IRS1: variants seen among roughly 807,000 people sequenced by gnomAD.
IRS1 encodes the protein insulin receptor substrate 1.
A neutral mutation model predicts 65.6 loss-of-function variants in IRS1; 34 were observed. The ratio of observed to expected loss-of-function variants is 0.52; its 90% CI spans 0.39 to 0.69. IRS1 has a LOEUF of 0.69. Ranked by LOEUF, IRS1 falls within the 30% of genes least tolerant of loss-of-function variation. The pLI, the probability that IRS1 is intolerant of heterozygous loss-of-function variation, is 0.00. For synonymous variants in IRS1, 699 were observed against 683.5 expected (o/e 1.02, Z -0.35); for missense variants, 1,641 against 1,720.2 (o/e 0.95, Z 0.81).
intron 1 of IRS1, among the ~76,000 whole-genome samples, chr2:226,763,313 T>C (rs1030371283): frequency 6.6e-6 from 1 of 152,236 alleles, no homozygotes; most frequent in Non-Finnish European, 1.5e-5. Flanking sequence ...TATACCATGT[T>C]GTGCTTTCTA....
At position 226,797,758 on chromosome 2, in the gene IRS1, G is replaced by A. The variant is rs774082695; in HGVS notation, c.981C>T (p.Arg327=). The change falls in exon 1 of 2, where the codon CGC becomes CGT. Residue 327 remains arginine, a synonymous_variant. Transcript: ENST00000305123. The surrounding 1 kb of genome is among the most constrained non-coding windows in gnomAD (Gnocchi z 8.1). ...TGGTGCCTTCGCCGTCACTGGAGGCGCGGACACGGAAGGAGCCTGGCTTCC... is the reference window on the plus strand; with the variant it reads ...TGGTGCCTTCGCCGTCACTGGAGGCACGGACACGGAAGGAGCCTGGCTTCC... ...VGGKPGSFRV[R]ASSDGEGTMS... 5.0e-6 allele frequency: 8 copies of A among 1,595,522 alleles called. No individual in the cohort carries two copies. In the African/African-American group the frequency reaches 6.7e-5, roughly 13 times the overall value.
chr2:226,777,993 A>C (rs1388451812), intron 1 of IRS1, among the ~76,000 whole-genome samples: 1 of 152,142 alleles, frequency 6.6e-6, no homozygotes, highest in African/African-American at 2.4e-5. Context: ...ATCAATTATA[A>C]AATATTTTCT....
intron 1 of IRS1, among the ~76,000 whole-genome samples, chr2:226,766,122 T>C (rs867286978): frequency 2.9e-4 from 1 of 3,508 alleles, no homozygotes; most frequent in African/African-American, 1.0e-3. Context: ...CTCTTAATCT[T>C]ATATATATAT....
chr2:226,788,013 T>TA (rs1216158671), intron 1 of IRS1, among the ~76,000 whole-genome samples: 4 of 149,700 alleles, frequency 2.7e-5, no homozygotes, highest in African/African-American at 7.3e-5. Flanking sequence ...CCACATTACA[T>TA]ATATTCAAAA....
intron 1 of IRS1, among the ~76,000 whole-genome samples, chr2:226,761,491 T>C (rs1301215685): frequency 6.6e-6 from 1 of 152,166 alleles, no homozygotes; most frequent in Non-Finnish European, 1.5e-5. Flanking sequence ...CCATTGTATC[T>C]CTCTGATACT....
At position 226,798,554 on chromosome 2, in the gene IRS1, C is replaced by G; in HGVS notation, c.185G>C (p.Arg62Pro). Reference sequence around the variant, plus strand: ...GAAGCAGCTCTCAAGGGGGATCGAGCGTTTGGGGGCGCTCGACTTGTGCCG... The same window carrying G: ...GAAGCAGCTCTCAAGGGGGATCGAGGGTTTGGGGGCGCTCGACTTGTGCCG... ...KWRHKSSAPK[R>P]SIPLESCFNI... Residue 62 changes from arginine to proline, a missense_variant, in exon 1 of 2, where the codon CGC (arginine) becomes CCC (proline). Around this residue, in one of 3 missense-constraint regions of IRS1, gnomAD observed 240 missense variants for 229.6 expected, o/e 1.05. Transcript: ENST00000305123. The surrounding 1 kb of genome is among the most constrained non-coding windows in gnomAD (Gnocchi z 9.4). 1 of 1,613,924 alleles carries G rather than the reference C, an allele frequency of 6.2e-7. No homozygotes were observed. Among genetic ancestry groups the G allele is most frequent in the Non-Finnish European group, 8.5e-7 (1 of 1,180,022 alleles).
At chr2:226,764,108 T>C (rs1398200359) in intron 1 of IRS1, among the ~76,000 whole-genome samples, 1 of 152,032 alleles carries the variant, frequency 6.6e-6, no homozygotes, top group East Asian at 1.9e-4. Flanking sequence ...CCACTCAGTC[T>C]GAAAGTAAGT....
In IRS1 at chr2:226,788,223, G is replaced by A. The variant is rs1190897944; in HGVS notation, c.*21+6766C>T. On this transcript the variant is annotated intron_variant, in intron 1 of 1. Transcript: ENST00000305123. ...TTATAAAACTTGGGATGGTAAAAAG[G>A]AATACAATGAATGCAATCCAACTCA... Among the ~76,000 whole-genome samples the A allele has an allele frequency of 3.9e-5, 6 of 152,036 alleles. No homozygotes were observed. The East Asian group carries it at 1.2e-3, about 29-fold the overall frequency.
intron 1 of IRS1, among the ~76,000 whole-genome samples, chr2:226,788,436 AT>A (rs1341531129): frequency 6.6e-6 from 1 of 152,208 alleles, no homozygotes; most frequent in Non-Finnish European, 1.5e-5. Context: ...AAGCTCTATT[AT>A]TCAAAGATCA....
intron 1 of IRS1, among the ~76,000 whole-genome samples, chr2:226,754,133 C>T (rs530312902): frequency 1.3e-5 from 2 of 152,324 alleles, no homozygotes; most frequent in East Asian, 3.9e-4. Flanking sequence ...CACGAGCCAC[C>T]ACCCTTGGCC....
At chr2:226,790,780 G>C (rs1302408672) in intron 1 of IRS1, among the ~76,000 whole-genome samples, 1 of 152,124 alleles carries the variant, frequency 6.6e-6, no homozygotes, top group Non-Finnish European at 1.5e-5. Context: ...ATTTTAGAAA[G>C]GCCAAATCTG....
At chr2:226,787,994 A>G (rs1023736008) in intron 1 of IRS1, among the ~76,000 whole-genome samples, 1 of 150,342 alleles carries the variant, frequency 6.7e-6, no homozygotes, top group South Asian at 2.2e-4. Flanking sequence ...GCAAAACATA[A>G]TTTGTTTGCC....
chr2:226,773,491 T>C (rs1232429814), intron 1 of IRS1, among the ~76,000 whole-genome samples: 1 of 152,166 alleles, frequency 6.6e-6, no homozygotes, highest in Non-Finnish European at 1.5e-5. Context: ...ATGTCAGGAA[T>C]TCTACTGCAA....
chr2:226,791,503 C>A (rs1939596358), intron 1 of IRS1, among the ~76,000 whole-genome samples: 1 of 152,208 alleles, frequency 6.6e-6, no homozygotes, highest in Non-Finnish European at 1.5e-5. Context: ...GATTCTGATC[C>A]AAATGCAAGA....
At chr2:226,781,380 T>G (rs534838761) in intron 1 of IRS1, among the ~76,000 whole-genome samples, 1 of 151,912 alleles carries the variant, frequency 6.6e-6, no homozygotes, top group African/African-American at 2.4e-5. Flanking sequence ...TTTCCTAAAG[T>G]GGTGAGTAAC....
chr2:226,783,126 C>T (rs1939419295), intron 1 of IRS1, among the ~76,000 whole-genome samples: 1 of 152,160 alleles, frequency 6.6e-6, no homozygotes, highest in South Asian at 2.1e-4. Flanking sequence ...TACTAGAAAC[C>T]TCAATAGTCA....
intron 1 of IRS1, among the ~76,000 whole-genome samples, chr2:226,753,062 G>A (rs1938715755): frequency 6.6e-6 from 1 of 152,124 alleles, no homozygotes; most frequent in African/African-American, 2.4e-5. Flanking sequence ...AAATGGCCCC[G>A]AGGGGGTGGC....
chr2:226,735,077 A>C lies in IRS1; in HGVS notation c.*1195T>G, dbSNP rs958075183. The C allele has an allele frequency of 1.3e-5, 2 of 152,206 alleles. No individual in the cohort carries two copies. The highest frequency in any genetic ancestry group is 2.9e-5 in the Non-Finnish European group (2 of 68,044). 9.4% of individuals were successfully genotyped at this position (152,206 alleles called of 1,614,324 possible). A position where few individuals can be genotyped will look rare whatever the true frequency, so the allele number is the denominator to read the frequency against. Reference sequence around the variant, plus strand: ...AATGAAAAACACTTACTGGAATTTTAATTTCTGGTTAGCAACAGCTCACTT... The same window carrying C: ...AATGAAAAACACTTACTGGAATTTTCATTTCTGGTTAGCAACAGCTCACTT... On this transcript the variant is annotated 3_prime_UTR_variant, in exon 2 of 2. Transcript: ENST00000305123.
Position 226,795,635 on chromosome 2 carries a change from G to A in IRS1, c.3104C>T (p.Ser1035Phe), listed in dbSNP as rs12999226. ...SLPRATMAAA[S>F]SSSAASASPT... Reference sequence around the variant, plus strand: ...GGAAGCAGAGGCTGCTGAGGATGAGGAGGCAGCAGCCATGGTGGCCCTGGG... The same window carrying A: ...GGAAGCAGAGGCTGCTGAGGATGAGAAGGCAGCAGCCATGGTGGCCCTGGG... Residue 1035 changes from serine to phenylalanine, a missense_variant, in exon 1 of 2, where the codon TCC becomes TTC. This residue lies in a region of IRS1 where 1,324 missense variants were observed against 1,361.0 expected (regional missense o/e 0.97). Transcript: ENST00000305123. 6.2e-7 allele frequency: 1 copy of A among 1,612,708 alleles called. No homozygotes were observed. Among genetic ancestry groups the A allele is most frequent in the African/African-American group, 1.3e-5 (1 of 75,058 alleles).
Sources: allele counts gnomAD v4.1 joint callset (sites outside exome capture counted in the v4.1 genomes callset), GRCh38; gene constraint gnomAD v4.1.1; regional missense constraint gnomAD v4.1.1; non-coding constraint Gnocchi (gnomAD v3.1); transcripts MANE v1.5; gene names NCBI Gene and HGNC (gene_info 2026-07-23, HGNC 2026-07-21).